SLCO5A1: variants seen among roughly 807,000 people sequenced by gnomAD.
SLCO5A1 encodes the protein organic anion transporter polypeptide-related protein 4.
A neutral mutation model predicts 65.1 loss-of-function variants in SLCO5A1; 39 were observed. That is an observed-to-expected ratio of 0.60 (90% CI 0.46 to 0.78). The LOEUF (loss-of-function observed/expected upper bound fraction) is 0.78, where lower values mean the gene tolerates loss of function less well. SLCO5A1 is among the 30% of genes least tolerant of loss of function. The pLI, the probability that SLCO5A1 is intolerant of heterozygous loss-of-function variation, is 0.00. For missense variants in SLCO5A1, 1,029 were observed against 1,069.4 expected (o/e 0.96, Z 0.53); for synonymous variants, 438 against 415.7 (o/e 1.05, Z -0.65).
intron 5 of SLCO5A1, among the ~76,000 whole-genome samples, chr8:69,732,745 T>C (rs910904047): frequency 6.6e-6 from 1 of 151,870 alleles, no homozygotes; most frequent in African/African-American, 2.4e-5. Flanking sequence ...AAAAATTAGC[T>C]AGGCATGGTG....
At chr8:69,804,181 G>C (rs976052277) in intron 2 of SLCO5A1, among the ~76,000 whole-genome samples, 1 of 152,168 alleles carries the variant, frequency 6.6e-6, no homozygotes, top group Non-Finnish European at 1.5e-5. Context: ...TCTGAGACTA[G>C]ACATTAGAAT....
At chr8:69,760,927 A>G (rs985205993) in intron 3 of SLCO5A1, among the ~76,000 whole-genome samples, 2 of 152,238 alleles carry the variant, frequency 1.3e-5, no homozygotes, top group Non-Finnish European at 2.9e-5. Flanking sequence ...TAGCAAGAAA[A>G]AAGGGTCACT....
intron 5 of SLCO5A1, 21 bp from the exon 6 acceptor site, chr8:69,705,250 G>A: frequency 6.2e-7 from 1 of 1,606,880 alleles, no homozygotes; most frequent in South Asian, 1.1e-5. Flanking sequence ...GAGAAGGAGA[G>A]GATTAATTTG....
At chr8:69,689,980 G>A (rs1814174773) in intron 6 of SLCO5A1, among the ~76,000 whole-genome samples, 1 of 152,092 alleles carries the variant, frequency 6.6e-6, no homozygotes, top group Non-Finnish European at 1.5e-5. Flanking sequence ...AGCATGGAAT[G>A]TTCTTCCATT....
intron 3 of SLCO5A1, among the ~76,000 whole-genome samples, chr8:69,761,079 CAG>C (rs2130863469): frequency 6.6e-6 from 1 of 152,250 alleles, no homozygotes; most frequent in Non-Finnish European, 1.5e-5. Flanking sequence ...TGATTAAAGT[CAG>C]CAGGAAAGTC....
intron 5 of SLCO5A1, among the ~76,000 whole-genome samples, chr8:69,733,866 G>A (rs575415211): frequency 3.3e-5 from 5 of 152,208 alleles, no homozygotes; most frequent in Admixed American, 6.5e-5. Flanking sequence ...TGTCTTTATC[G>A]CAGTATGAGA....
chr8:69,831,803 C>T lies in SLCO5A1; in HGVS notation c.871G>A (p.Asp291Asn). Residue 291 changes from aspartate (D) to asparagine (N), a missense_variant, in exon 2 of 10, where the codon GAC (aspartate) becomes AAC (asparagine). Asp to Asn is a conservative substitution (Grantham distance 23). This residue lies in a region of SLCO5A1 where 647 missense variants were observed against 647.5 expected (regional missense o/e 1.00). Coordinates refer to ENST00000260126, the MANE Select transcript of SLCO5A1 (RefSeq NM_030958.3). ...IYTLGPTYLD[D>N]NVKKENSSLY... is the part of the protein sequence containing the mutation. ...GAGGAGTTTTCTTTCTTGACATTGT[C>T]ATCTAAGTAGGTTGGTCCCAGGGTA... 6.2e-7 allele frequency: 1 copy of T among 1,614,070 alleles called. No individual in the cohort carries two copies. Among genetic ancestry groups the T allele is most frequent in the Admixed American group, 1.7e-5 (1 of 59,980 alleles).
At chr8:69,746,243 A>G (rs528686077) in intron 4 of SLCO5A1, among the ~76,000 whole-genome samples, 1 of 152,364 alleles carries the variant, frequency 6.6e-6, no homozygotes, top group East Asian at 1.9e-4. Flanking sequence ...AAATAAAAAA[A>G]GAAATTTCCT....
intron 2 of SLCO5A1, among the ~76,000 whole-genome samples, chr8:69,793,247 G>T (rs539201031): frequency 2.0e-4 from 30 of 152,234 alleles, no homozygotes; most frequent in Admixed American, 9.8e-4. Flanking sequence ...GCCTCCCAAA[G>T]TGCTGGGATT....
chr8:69,832,928 C>T lies in SLCO5A1; in HGVS notation c.-255G>A, dbSNP rs1312949653. On this transcript the variant is annotated 5_prime_UTR_variant, in exon 2 of 10. Transcript: ENST00000260126. The surrounding 1 kb of genome is among the most constrained non-coding windows in gnomAD (Gnocchi z 4.5). ...GGTCCGCGCGGTACTGCGATGAGCC[C>T]TACTCGGCGTCCCTCTCCGGGCGGT... 6.2e-6 allele frequency: 3 copies of T among 486,376 alleles called. No individual in the cohort carries two copies. Among genetic ancestry groups the T allele is most frequent in the Non-Finnish European group, 1.1e-5 (3 of 281,208 alleles). The allele number at this position is 486,376 out of a possible 1,614,324, so 30.1% of individuals were successfully genotyped here.
At chr8:69,735,662 C>T (rs1024366440) in intron 5 of SLCO5A1, among the ~76,000 whole-genome samples, 2 of 152,064 alleles carry the variant, frequency 1.3e-5, no homozygotes, top group Admixed American at 6.6e-5. Flanking sequence ...ACACTGGGGT[C>T]TGTTGTGGGA....
intron 5 of SLCO5A1, among the ~76,000 whole-genome samples, chr8:69,720,371 T>C (rs1012446815): frequency 6.6e-6 from 1 of 152,242 alleles, no homozygotes; most frequent in African/African-American, 2.4e-5. Flanking sequence ...CCCCAGATAT[T>C]ATACTAGGAA....
rs959438836 is a variant in SLCO5A1, at chr8:69,717,634, C to T, written c.1424-12405G>A. ...CAGCTTGCCAATTTTTGCAAAGAAG[C>T]CAGTTGGAATTTTGATGAGGATTGT... On this transcript the variant is annotated intron_variant, in intron 5 of 9. Coordinates refer to ENST00000260126, the MANE Select transcript of SLCO5A1 (RefSeq NM_030958.3). 3.3e-5 allele frequency among the ~76,000 whole-genome samples: 5 copies of T among 152,080 alleles called. No homozygotes were observed. In the East Asian group the frequency reaches 5.8e-4, roughly 18 times the overall value.
At chr8:69,718,715 C>A (rs1815679478) in intron 5 of SLCO5A1, among the ~76,000 whole-genome samples, 1 of 152,100 alleles carries the variant, frequency 6.6e-6, no homozygotes, top group African/African-American at 2.4e-5. Context: ...TATTGAGCAT[C>A]CACTCTGTGC....
chr8:69,692,024 A>G (rs1586689403), intron 6 of SLCO5A1, among the ~76,000 whole-genome samples: 1 of 152,200 alleles, frequency 6.6e-6, no homozygotes, highest in African/African-American at 2.4e-5. Flanking sequence ...CGAGGTGGGC[A>G]GATCACAAGG....
At position 69,832,421 on chromosome 8, in the gene SLCO5A1, C is replaced by T; in HGVS notation, c.253G>A (p.Ala85Thr). 6.2e-7 allele frequency: 1 copy of T among 1,612,872 alleles called. No individual in the cohort carries two copies. Among genetic ancestry groups the T allele is most frequent in the Non-Finnish European group, 8.5e-7 (1 of 1,179,506 alleles). The change falls in exon 2 of 10, where the codon GCC (alanine) becomes ACC (threonine). Residue 85 changes from alanine to threonine, a missense_variant. Coordinates refer to ENST00000260126, the MANE Select transcript of SLCO5A1 (RefSeq NM_030958.3). The surrounding 1 kb of genome is among the most constrained non-coding windows in gnomAD (Gnocchi z 4.5). ...GPNPLAPSPSAPSTSAGLGDC... is the reference protein window; with the variant it reads ...GPNPLAPSPSTPSTSAGLGDC... ...CCGAGCCCCGCCGAAGTGGACGGGGCAGAGGGACTGGGGGCCAACGGGTTC... is the reference window on the plus strand; with the variant it reads ...CCGAGCCCCGCCGAAGTGGACGGGGTAGAGGGACTGGGGGCCAACGGGTTC...
At chr8:69,819,276 A>C (rs1820536479) in intron 2 of SLCO5A1, among the ~76,000 whole-genome samples, 2 of 151,648 alleles carry the variant, frequency 1.3e-5, no homozygotes, top group African/African-American at 4.8e-5. Context: ...GTATGCACGC[A>C]GGGAGTGAAA....
chr8:69,784,892 A>C (rs1818969646), intron 2 of SLCO5A1, among the ~76,000 whole-genome samples: 1 of 119,994 alleles, frequency 8.3e-6, no homozygotes, highest in Non-Finnish European at 1.7e-5. Context: ...AGAAAGAAGA[A>C]AGGAAGAAAG....
At chr8:69,801,332 G>A (rs550122959) in intron 2 of SLCO5A1, among the ~76,000 whole-genome samples, 7 of 152,268 alleles carry the variant, frequency 4.6e-5, no homozygotes, top group Admixed American at 1.3e-4. Flanking sequence ...TCAACTCAAA[G>A]TAGCTTTTAC....
Sources: gnomAD v4.1 joint callset for allele counts (sites outside exome capture counted in the v4.1 genomes callset) on GRCh38, gnomAD v4.1.1 for gene constraint, gnomAD v4.1.1 regional missense constraint, Gnocchi (gnomAD v3.1) non-coding constraint, MANE v1.5 for transcripts, NCBI Gene and HGNC (gene_info 2026-07-23, HGNC 2026-07-21) for gene names.